Variants in CADM2 observed in about 807,000 individuals in gnomAD.
CADM2 encodes the protein cell adhesion molecule 2.
In CADM2, 12 loss-of-function variants were observed where a neutral mutation model predicts 49.8. The observed-to-expected ratio is 0.24, with a 90% CI of 0.15 to 0.39. The LOEUF is 0.39. Ranked by LOEUF, CADM2 falls within the 10% of genes least tolerant of loss-of-function variation. The probability of loss-of-function intolerance (pLI) is 1.00; values close to 1 mark genes in which losing one functional copy is unlikely to be tolerated. For synonymous variants in CADM2, 214 were observed against 175.4 expected, an observed-to-expected ratio of 1.22 and a Z score of -1.74; for missense variants, 378 against 492.3, an observed-to-expected ratio of 0.77 and a Z score of 2.20.
At chr3:85,404,183 TA>T (rs2035259711) in intron 1 of CADM2, among the ~76,000 whole-genome samples, 1 of 152,106 alleles carries the variant, frequency 6.6e-6, no homozygotes, top group African/African-American at 2.4e-5. Context: ...TTGGAAAGAT[TA>T]AAAATTTATT....
At chr3:85,969,099 C>G (rs866833496) in intron 8 of CADM2, among the ~76,000 whole-genome samples, 11 of 151,568 alleles carry the variant, frequency 7.3e-5, no homozygotes, top group South Asian at 2.1e-4. Flanking sequence ...TTGTTCCACA[C>G]TCCCACACCT....
At chr3:85,158,435 C>T (rs1166577569) in intron 1 of CADM2, among the ~76,000 whole-genome samples, 1 of 152,152 alleles carries the variant, frequency 6.6e-6, no homozygotes, top group Non-Finnish European at 1.5e-5. Flanking sequence ...AGACTTGGAA[C>T]CAACCCAAAT....
chr3:85,593,187 T>C (rs2107351954), intron 1 of CADM2, among the ~76,000 whole-genome samples: 1 of 151,618 alleles, frequency 6.6e-6, no homozygotes, highest in South Asian at 2.1e-4. Flanking sequence ...TTTATTTTAT[T>C]TTATTATACT....
intron 1 of CADM2, among the ~76,000 whole-genome samples, chr3:85,157,493 T>A (rs1169299635): frequency 1.3e-5 from 2 of 152,162 alleles, no homozygotes; most frequent in East Asian, 3.9e-4. Flanking sequence ...AAAACAGAGA[T>A]ATAGATCAAT....
At chr3:85,634,258 T>C (rs1232907268) in intron 1 of CADM2, among the ~76,000 whole-genome samples, 1 of 151,986 alleles carries the variant, frequency 6.6e-6, no homozygotes, top group East Asian at 1.9e-4. Context: ...AAAGAGAATA[T>C]TTTACTTAGT....
intron 1 of CADM2, among the ~76,000 whole-genome samples, chr3:85,002,977 T>C (rs1186098100): frequency 2.6e-5 from 4 of 151,994 alleles, no homozygotes; most frequent in Non-Finnish European, 5.9e-5. Context: ...TTTTTCATAA[T>C]AGAGATGGGG....
rs940075204 is a variant in CADM2 at position 86,067,132 on chromosome 3, T to G, written c.*349T>G. On this transcript the variant is annotated 3_prime_UTR_variant, in exon 10 of 10. Coordinates refer to ENST00000383699, the MANE Select transcript of CADM2 (RefSeq NM_001167675.2). ...TGTATGCAGAGTTTTTTTCCCCCAT[T>G]TTTTCCCCTTTAAGTCATAGACCTT... 2.7e-5 allele frequency: 5 copies of G among 187,624 alleles called. No homozygotes were observed. Among genetic ancestry groups the G allele is most frequent in the African/African-American group, 9.5e-5 (4 of 42,270 alleles). The allele number at this position is 187,624 out of a possible 1,614,324, so 11.6% of individuals were successfully genotyped here.
At chr3:85,205,684 A>T (rs2041614728) in intron 1 of CADM2, among the ~76,000 whole-genome samples, 1 of 152,136 alleles carries the variant, frequency 6.6e-6, no homozygotes, top group East Asian at 1.9e-4. Context: ...TACCAGTAAC[A>T]TATTATTTAA....
chr3:85,978,466 C>A (rs955500051), intron 8 of CADM2, among the ~76,000 whole-genome samples: 1 of 151,450 alleles, frequency 6.6e-6, no homozygotes, highest in Non-Finnish European at 1.5e-5. Flanking sequence ...TTCAGAATAT[C>A]GGGTGCCATG....
chr3:85,839,027 T>C (rs2074525393), intron 3 of CADM2, among the ~76,000 whole-genome samples: 2 of 151,848 alleles, frequency 1.3e-5, no homozygotes, highest in Non-Finnish European at 2.9e-5. Context: ...ACATGTGTTT[T>C]GTCAAGCCCC....
chr3:85,927,522 T>C (rs1301102956), intron 6 of CADM2, among the ~76,000 whole-genome samples: 2 of 152,208 alleles, frequency 1.3e-5, no homozygotes, highest in Non-Finnish European at 2.9e-5. Context: ...TTAGGAACTA[T>C]GTAAGTGTTT....
At chr3:85,396,313 T>A (rs1199255021) in intron 1 of CADM2, among the ~76,000 whole-genome samples, 1 of 151,956 alleles carries the variant, frequency 6.6e-6, no homozygotes, top group Non-Finnish European at 1.5e-5. Context: ...TTTCACTTTA[T>A]CATCTTAGCA....
At chr3:85,635,192 C>T (rs2064431080) in intron 1 of CADM2, among the ~76,000 whole-genome samples, 1 of 152,078 alleles carries the variant, frequency 6.6e-6, no homozygotes, top group Admixed American at 6.6e-5. Flanking sequence ...AATACAATCT[C>T]ATGAAAATGG....
chr3:85,103,895 T>C (rs1003613759), intron 1 of CADM2, among the ~76,000 whole-genome samples: 2 of 152,182 alleles, frequency 1.3e-5, no homozygotes, highest in African/African-American at 4.8e-5. Context: ...AATTGGATTA[T>C]TTTTGAGGAG....
chr3:86,008,346 C>T (rs1731054967), intron 8 of CADM2, among the ~76,000 whole-genome samples: 1 of 151,886 alleles, frequency 6.6e-6, no homozygotes, highest in African/African-American at 2.4e-5. Flanking sequence ...ATCTTTAGGT[C>T]ATCTATATAG....
At chr3:85,532,379 A>C (rs951758448) in intron 1 of CADM2, among the ~76,000 whole-genome samples, 1 of 152,100 alleles carries the variant, frequency 6.6e-6, no homozygotes, top group Non-Finnish European at 1.5e-5. Flanking sequence ...CCCTGGAGCA[A>C]ATTTTTTTTA....
chr3:85,959,200 C>T (rs937292315), intron 7 of CADM2, among the ~76,000 whole-genome samples: 14 of 149,160 alleles, frequency 9.4e-5, no homozygotes, highest in Non-Finnish European at 2.1e-4. Flanking sequence ...TGATGAACAG[C>T]GAGATGAGGA....
intron 8 of CADM2, among the ~76,000 whole-genome samples, chr3:86,008,109 TGA>T (rs1731016142): frequency 6.6e-6 from 1 of 151,350 alleles, no homozygotes; most frequent in African/African-American, 2.4e-5. Flanking sequence ...TAAGCTAATT[TGA>T]CATGTGAAAA....
chr3:85,912,018 T>G (rs1717667364), intron 5 of CADM2, among the ~76,000 whole-genome samples: 1 of 151,594 alleles, frequency 6.6e-6, no homozygotes, highest in East Asian at 1.9e-4. Context: ...CTCTGCTCAC[T>G]CTGCAAGCTC....
Sources: allele counts gnomAD v4.1 joint callset (sites outside exome capture counted in the v4.1 genomes callset), GRCh38; gene constraint gnomAD v4.1.1; transcripts MANE v1.5; gene names NCBI Gene and HGNC (gene_info 2026-07-23, HGNC 2026-07-21).